APOB: variants seen among roughly 807,000 people sequenced by gnomAD.
APOB encodes the protein apolipoprotein B.
Under a neutral mutation model 314.1 loss-of-function variants are expected in APOB, and 153 were observed. That is an observed-to-expected ratio of 0.49 (90% CI 0.43 to 0.56). The LOEUF is 0.56. Among genes scored for constraint, APOB ranks in the 20% least tolerant of loss-of-function variants. APOB has a pLI of 0.00. For missense variants in APOB, 5,430 were observed against 5,350.7 expected, an observed-to-expected ratio of 1.01 and a Z score of -0.46; for synonymous variants, 2,087 against 2,036.4, an observed-to-expected ratio of 1.02 and a Z score of -0.67.
In APOB at chr2:21,010,517, T is replaced by A; in HGVS notation, c.6351A>T (p.Lys2117Asn). 1 of 1,608,496 alleles carries A rather than the reference T, an allele frequency of 6.2e-7. No homozygotes were observed. Among genetic ancestry groups the A allele is most frequent in the Non-Finnish European group, 8.5e-7 (1 of 1,175,922 alleles). ...FVRKYRAALGKLPQQANDYLN... is the reference protein window; with the variant it reads ...FVRKYRAALGNLPQQANDYLN... ...GATAATCATTAGCTTGCTGTGGGAG[T>A]TTTCCCAGGGCTGCTCTGTATTTTC... The change falls in exon 26 of 29, where the codon AAA (lysine) becomes AAT (asparagine). Residue 2117 changes from lysine to asparagine, a missense_variant. This residue lies in a region of APOB where 3,281 missense variants were observed against 3,171.0 expected (regional missense o/e 1.03). Transcript: ENST00000233242.
At chr2:21,027,176 G>C (rs991995262) in intron 14 of APOB, among the ~76,000 whole-genome samples, 2 of 152,160 alleles carry the variant, frequency 1.3e-5, no homozygotes, top group African/African-American at 4.8e-5. Flanking sequence ...GGCAGCTAAG[G>C]TTCAGATAGG....
In APOB at chr2:21,013,267, G is replaced by A. The variant is rs1663380199; in HGVS notation, c.4109C>T (p.Ser1370Phe). ...GGTGTTGCCACCACTGTAGGAGGCG[G>A]ACCAGTTGTACAAGTTGCTGTAGAC... ...TNVYSNLYNW[S>F]ASYSGGNTST... The change falls in exon 25 of 29, where the codon TCC (serine) becomes TTC (phenylalanine). Residue 1370 changes from serine to phenylalanine, a missense_variant. Around this residue, in one of 3 missense-constraint regions of APOB, gnomAD observed 2,085 missense variants for 2,079.7 expected, o/e 1.00. Transcript: ENST00000233242. The A allele has an allele frequency of 6.2e-7, 1 of 1,614,236 alleles. No homozygotes were observed. Among genetic ancestry groups the A allele is most frequent in the Non-Finnish European group, 8.5e-7 (1 of 1,180,054 alleles).
At chr2:21,039,024 G>C (rs1279577442) in intron 4 of APOB, among the ~76,000 whole-genome samples, 1 of 151,956 alleles carries the variant, frequency 6.6e-6, no homozygotes, top group Non-Finnish European at 1.5e-5. Flanking sequence ...TCTCTTTCTG[G>C]ATTTTTTTTA....
intron 28 of APOB, 23 bp from the exon 29 acceptor site, chr2:21,003,357 AT>A (rs764787821): frequency 4.4e-6 from 7 of 1,589,548 alleles, no homozygotes; most frequent in African/African-American, 4.0e-5. Context: ...AAAAAAAAAA[AT>A]AACATGTTTT....
chr2:21,017,814 C>T (rs932835261), intron 20 of APOB, among the ~76,000 whole-genome samples: 177 of 152,292 alleles, frequency 1.2e-3, no homozygotes, highest in African/African-American at 4.1e-3. Flanking sequence ...ATTTCCCCAG[C>T]GTGCCCTGCT....
intron 15 of APOB, among the ~76,000 whole-genome samples, chr2:21,026,320 T>C (rs1167834741): frequency 6.6e-6 from 1 of 151,920 alleles, no homozygotes; most frequent in Non-Finnish European, 1.5e-5. Flanking sequence ...TGATCTCGGC[T>C]CACTGCAACC....
rs773299517 is a variant in APOB at position 21,007,287 on chromosome 2, C to A, written c.9581G>T (p.Cys3194Phe). 1 of 1,613,682 alleles carries A rather than the reference C, an allele frequency of 6.2e-7. No homozygotes were observed. The highest frequency in any genetic ancestry group is 8.5e-7 in the Non-Finnish European group (1 of 1,179,802). Residue 3194 changes from cysteine (C) to phenylalanine (F), a missense_variant, in exon 26 of 29, where the codon TGT becomes TTT. By Grantham distance (205) the Cys-to-Phe change is radical (BLOSUM62 -2). Transcript: ENST00000233242. ...HSITNPLAVL[C>F]EFISQSIKSF... is the part of the protein sequence containing the mutation. ...TTTGATGCTCTGACTGATAAACTCA[C>A]AAAGCACAGCCAAAGGATTTGTGAT... is the stretch of plus-strand genomic sequence containing the variant.
intron 15 of APOB, among the ~76,000 whole-genome samples, chr2:21,025,802 A>G (rs1450383767): frequency 6.6e-6 from 1 of 152,198 alleles, no homozygotes; most frequent in Non-Finnish European, 1.5e-5. Flanking sequence ...CTTCTGATTC[A>G]GTAGATTGTG....
At chr2:21,027,576 G>C (rs1227526254) in intron 14 of APOB, among the ~76,000 whole-genome samples, 1 of 152,174 alleles carries the variant, frequency 6.6e-6, no homozygotes, top group Non-Finnish European at 1.5e-5. Context: ...GCCTCCCAAA[G>C]TGCTGGGATT....
At position 21,029,726 on chromosome 2, in the gene APOB, G is replaced by A; in HGVS notation, c.1530C>T (p.Ile510=). The A allele has an allele frequency of 1.2e-6, 2 of 1,614,166 alleles. No individual in the cohort carries two copies. The highest frequency in any genetic ancestry group is 1.7e-6 in the Non-Finnish European group (2 of 1,180,014). Residue 510 remains isoleucine, a synonymous_variant, in exon 12 of 29, where the codon ATC becomes ATT. Coordinates refer to ENST00000233242, the MANE Select transcript of APOB (RefSeq NM_000384.3). ...GCTTTGTACTTTGGACACATTTCAG[G>A]ATTGAAGACTTGAGTTCTGGAGTTA... The part of the protein sequence containing the change: ...EQLTPELKSS[I]LKCVQSTKPS...
At position 21,007,869 on chromosome 2, in the gene APOB, C is replaced by G. The variant is rs1348049077; in HGVS notation, c.8999G>C (p.Ser3000Thr). Residue 3000 changes from serine to threonine, a missense_variant, in exon 26 of 29, where the codon AGT becomes ACT. Ser to Thr is a moderately conservative substitution (Grantham distance 58). Around this residue, in one of 3 missense-constraint regions of APOB, gnomAD observed 3,281 missense variants for 3,171.0 expected, o/e 1.03. Transcript: ENST00000233242. ...SQVDSQHVGH[S>T]VLTAKGMALF... ...TGCCATGCCTTTAGCAGTTAGAACA[C>G]TGTGGCCCACATGCTGGGAATCGAC... 6.2e-7 allele frequency: 1 copy of G among 1,614,060 alleles called. No homozygotes were observed.
chr2:21,027,065 T>G (rs746734856), intron 14 of APOB, 101 bp from the exon 15 acceptor site: 3 of 1,069,714 alleles, frequency 2.8e-6, no homozygotes, highest in South Asian at 1.3e-5. Context: ...AACAAGTATT[T>G]GAATACCACA....
At chr2:21,031,923 T>G (rs187190637) in intron 10 of APOB, among the ~76,000 whole-genome samples, 1 of 152,296 alleles carries the variant, frequency 6.6e-6, no homozygotes, top group East Asian at 1.9e-4. Context: ...TAACTAATAT[T>G]GAACTGAAGT....
At position 21,006,203 on chromosome 2, in the gene APOB, T is replaced by C. The variant is rs147900359; in HGVS notation, c.10665A>G (p.Thr3555=). ...EVKENFAGEA[T]LQRIYSLWEH... ...CCCAGAGGGAATATATGCGTTGGAG[T>C]GTGGCTTCTCCAGCAAAATTTTCTT... Residue 3555 remains threonine, a synonymous_variant, in exon 26 of 29, where the codon ACA becomes ACG. Coordinates refer to ENST00000233242, the MANE Select transcript of APOB (RefSeq NM_000384.3). 19 of 1,614,002 alleles carry C rather than the reference T, an allele frequency of 1.2e-5. No individual in the cohort carries two copies. In the East Asian group the frequency reaches 4.0e-4, roughly 34 times the overall value.
intron 6 of APOB, 151 bp downstream of exon 6, chr2:21,036,949 C>A: frequency 1.0e-6 from 1 of 976,646 alleles, no homozygotes; most frequent in Non-Finnish European, 1.6e-6. Context: ...GGCAGACCTT[C>A]CCGTGCCTGC....
rs369364335 is a variant in APOB, at chr2:21,004,351, G to T, written c.12005C>A (p.Ala4002Asp). 4.3e-6 allele frequency: 7 copies of T among 1,613,862 alleles called. No homozygotes were observed. The highest frequency in any genetic ancestry group is 5.9e-6 in the Non-Finnish European group (7 of 1,179,930). Residue 4002 changes from alanine (A) to aspartate (D), a missense_variant, in exon 28 of 29, where the codon GCC becomes GAC. Physicochemically the swap from Ala to Asp is moderately radical, Grantham distance 126. Transcript: ENST00000233242. ...GCCCACGGTGCCTACGGCTGGGGAG[G>T]CTGCTGAGGTGGAGATGCCTTTCTT... ...KDKKGISTSA[A>D]SPAVGTVGMD... is the part of the protein sequence containing the mutation.
intron 20 of APOB, 99 bp from the exon 21 acceptor site, chr2:21,016,748 G>A (rs561061656): frequency 1.9e-5 from 15 of 775,358 alleles, no homozygotes; most frequent in Non-Finnish European, 3.3e-5. Flanking sequence ...ACTTTGGGAG[G>A]CCAAGGCGGG....
intron 13 of APOB, 116 bp from the exon 14 acceptor site, chr2:21,028,181 C>T: frequency 8.7e-7 from 1 of 1,146,252 alleles, no homozygotes; most frequent in Non-Finnish European, 1.3e-6. Context: ...TTTCATTGAC[C>T]CTAAGTCTTT....
rs488329 is a variant in APOB, at chr2:21,013,610, A to G, written c.3843-77T>C. The G allele has an allele frequency of 1, 1,590,040 of 1,593,352 alleles. 793,419 individuals carry two copies. Among genetic ancestry groups the G allele is most frequent in the East Asian group, 1 (44,774 of 44,776 alleles). On this transcript the variant is annotated intron_variant, in intron 24 of 28. Transcript: ENST00000233242. ...AAGTTCTCTGCCTCTGACCTTCACA[A>G]CAATATTGTACTTGCCCCATTCCCA...
Sources: gnomAD v4.1 joint callset for allele counts (sites outside exome capture counted in the v4.1 genomes callset) on GRCh38, gnomAD v4.1.1 for gene constraint, gnomAD v4.1.1 regional missense constraint, MANE v1.5 for transcripts, NCBI Gene and HGNC (gene_info 2026-07-23, HGNC 2026-07-21) for gene names.